NRIP3: variants seen among roughly 807,000 people sequenced by gnomAD.
NRIP3 encodes the protein nuclear receptor interacting protein 3.
NRIP3 carries 31 observed loss-of-function variants against 29.0 expected under a neutral mutation model. The observed-to-expected ratio is 1.07, with a 90% CI of 0.80 to 1.44. NRIP3 has a LOEUF of 1.44. NRIP3 is among the 40% of genes most tolerant of loss of function. The pLI is 0.00. For missense variants in NRIP3, 314 were observed against 297.9 expected (o/e 1.05, Z -0.40); for synonymous variants, 131 against 118.3 (o/e 1.11, Z -0.70).
rs1411460830 is a variant in NRIP3, at chr11:8,980,661, A to G, written c.*2884T>C. On this transcript the variant is annotated 3_prime_UTR_variant, in exon 7 of 7. Coordinates refer to ENST00000309166, the MANE Select transcript of NRIP3 (RefSeq NM_020645.3). ...GAAACACTGAAAGGATAAAGTGCCAATGCAGAGAGGCCTGGCAACAGGAGG... is the reference window on the plus strand; with the variant it reads ...GAAACACTGAAAGGATAAAGTGCCAGTGCAGAGAGGCCTGGCAACAGGAGG... 3.9e-5 allele frequency: 6 copies of G among 152,362 alleles called. No homozygotes were observed. The East Asian group carries it at 7.7e-4, about 20-fold the overall frequency. The allele number at this position is 152,362 out of a possible 1,614,324, so 9.4% of individuals were successfully genotyped here. A position where few individuals can be genotyped will look rare whatever the true frequency, so the allele number is the denominator to read the frequency against.
chr11:8,987,601 A>G lies in NRIP3; in HGVS notation c.369T>C (p.Val123=). The G allele has an allele frequency of 6.2e-7, 1 of 1,614,096 alleles. No homozygotes were observed. The highest frequency in any genetic ancestry group is 2.2e-5 in the East Asian group (1 of 44,884). Reference sequence around the variant, plus strand: ...TGAGATTATATAGGCAGCCTGTGTCAACCAAGGCTTTCACATCCTTTCCAG... The same window carrying G: ...TGAGATTATATAGGCAGCCTGTGTCGACCAAGGCTTTCACATCCTTTCCAG... The part of the protein sequence containing the change: ...QCAGKDVKAL[V]DTGCLYNLIS... The change falls in exon 3 of 7, where the codon GTT becomes GTC. Residue 123 remains valine (V), a synonymous_variant. Coordinates refer to ENST00000309166, the MANE Select transcript of NRIP3 (RefSeq NM_020645.3).
rs1854447890 is a variant in NRIP3, at chr11:8,983,028, A to G, written c.*517T>C. 2.2e-6 allele frequency: 1 copy of G among 456,444 alleles called. No homozygotes were observed. The highest frequency in any genetic ancestry group is 4.4e-6 in the Non-Finnish European group (1 of 227,034). 28.3% of individuals were successfully genotyped at this position (456,444 alleles called of 1,614,324 possible). On this transcript the variant is annotated 3_prime_UTR_variant, in exon 7 of 7. Transcript: ENST00000309166. Reference sequence around the variant, plus strand: ...AAATGAAAGAGTTAAACTGTAATGGATAATGTCCCTGGGCTCTTTCACATA... The same window carrying G: ...AAATGAAAGAGTTAAACTGTAATGGGTAATGTCCCTGGGCTCTTTCACATA...
At position 9,003,880 on chromosome 11, in the gene NRIP3, T is replaced by C; in HGVS notation, c.56A>G (p.Glu19Gly). 6.6e-7 allele frequency: 1 copy of C among 1,522,294 alleles called. No individual in the cohort carries two copies. Among genetic ancestry groups the C allele is most frequent in the Non-Finnish European group, 8.8e-7 (1 of 1,136,340 alleles). 94.3% of individuals were successfully genotyped at this position (1,522,294 alleles called of 1,614,324 possible). ...EGGRKETDMR[E>G]AASLRQQRRM... ...GCGCTGCTGTCGCAGTGACGCCGCC[T>C]CCCGCATGTCGGTCTCCTTGCGGCC... Residue 19 changes from glutamate to glycine, a missense_variant, in exon 1 of 7, where the codon GAG becomes GGG. Physicochemically the swap from Glu to Gly is moderately conservative, Grantham distance 98. Transcript: ENST00000309166.
intron 2 of NRIP3, 82 bp downstream of exon 2, chr11:8,988,036 C>T: frequency 7.4e-7 from 1 of 1,351,104 alleles, no homozygotes; most frequent in Non-Finnish European, 1.0e-6. Flanking sequence ...TCCATGAGAC[C>T]CACACTCTAT....
intron 3 of NRIP3, among the ~76,000 whole-genome samples, chr11:8,987,222 A>T (rs1366047861): frequency 1.3e-5 from 2 of 152,068 alleles, no homozygotes; most frequent in South Asian, 4.1e-4. Context: ...AGCTCCTTTT[A>T]ATTTGCTATC....
chr11:8,997,306 C>T (rs764397178), intron 1 of NRIP3, among the ~76,000 whole-genome samples: 8 of 128,272 alleles, frequency 6.2e-5, no homozygotes, highest in South Asian at 2.5e-4. Context: ...ACCCGGGAGG[C>T]GGATCGCACC....
Position 8,982,123 on chromosome 11 carries a change from C to T in NRIP3, c.*1422G>A, listed in dbSNP as rs1854424944. ...ACAGCTAGCTATTTTTCTGACTTGTCCAAGCACTTCTATGACCAAACTGAA... is the reference window on the plus strand; with the variant it reads ...ACAGCTAGCTATTTTTCTGACTTGTTCAAGCACTTCTATGACCAAACTGAA... On this transcript the variant is annotated 3_prime_UTR_variant, in exon 7 of 7. Coordinates refer to ENST00000309166, the MANE Select transcript of NRIP3 (RefSeq NM_020645.3). 1 of 152,164 alleles carries T rather than the reference C, an allele frequency of 6.6e-6. No homozygotes were observed. The highest frequency in any genetic ancestry group is 2.4e-5 in the African/African-American group (1 of 41,424). 9.4% of individuals were successfully genotyped at this position (152,164 alleles called of 1,614,324 possible). A position where few individuals can be genotyped will look rare whatever the true frequency, so the allele number is the denominator to read the frequency against.
At chr11:8,995,774 C>G (rs1387226875) in intron 1 of NRIP3, among the ~76,000 whole-genome samples, 2 of 152,192 alleles carry the variant, frequency 1.3e-5, no homozygotes, top group Non-Finnish European at 2.9e-5. Flanking sequence ...AACTTTTTAC[C>G]CTTCTCTATA....
Position 9,003,746 on chromosome 11 carries a change from G to C in NRIP3, c.174+16C>G. On this transcript the variant is annotated intron_variant, in intron 1 of 6. Transcript: ENST00000309166. ...AAGCCGCCGGGGCCGGGGCGAGAAC[G>C]GCGGCGGGGGCTCACCATGTCCTTG... The C allele has an allele frequency of 7.2e-7, 1 of 1,394,450 alleles. No individual in the cohort carries two copies. The highest frequency in any genetic ancestry group is 1.5e-5 in the African/African-American group (1 of 66,230). 86.4% of individuals were successfully genotyped at this position (1,394,450 alleles called of 1,614,324 possible).
chr11:8,989,647 C>T (rs1046833610), intron 1 of NRIP3, among the ~76,000 whole-genome samples: 26 of 152,186 alleles, frequency 1.7e-4, no homozygotes, highest in African/African-American at 6.3e-4. Context: ...GGGAGAGGCA[C>T]TTGTAAAGAA....
chr11:8,991,277 G>A (rs1488939428), intron 1 of NRIP3, among the ~76,000 whole-genome samples: 1 of 152,174 alleles, frequency 6.6e-6, no homozygotes, highest in East Asian at 1.9e-4. Flanking sequence ...CTCCAGCCCA[G>A]GCAACAGAGC....
intron 1 of NRIP3, among the ~76,000 whole-genome samples, chr11:9,000,693 A>G (rs1854778081): frequency 6.6e-6 from 1 of 152,170 alleles, no homozygotes; most frequent in Admixed American, 6.5e-5. Flanking sequence ...ACTTTTATGA[A>G]CCTGGTAGCT....
upstream of NRIP3, chr11:9,004,176 G>T (rs1854872541): frequency 2.8e-6 from 1 of 359,042 alleles, no homozygotes; most frequent in Admixed American, 4.8e-5. Flanking sequence ...CGGCGAGGAG[G>T]CGGCGGCGCT....
intron 4 of NRIP3, among the ~76,000 whole-genome samples, 198 bp from the exon 5 acceptor site, chr11:8,984,322 G>A (rs959437508): frequency 7.2e-5 from 11 of 151,784 alleles, no homozygotes; most frequent in African/African-American, 1.9e-4. Flanking sequence ...GAGTGCAGTG[G>A]CGCAATCTCG....
chr11:9,000,672 C>T (rs1854777796), intron 1 of NRIP3, among the ~76,000 whole-genome samples: 1 of 151,820 alleles, frequency 6.6e-6, no homozygotes, highest in African/African-American at 2.4e-5. Context: ...GTCCTTAGCA[C>T]AATGAGAAAA....
In NRIP3 at chr11:8,985,723, C is replaced by T; in HGVS notation, c.550G>A (p.Ala184Thr). ...TLGSLRLDCPAAVVDDNEKNL... is the reference protein window; with the variant it reads ...TLGSLRLDCPTAVVDDNEKNL... ...CAATTCTGCTTACCAACCACAGCTG[C>T]TGGGCAGTCCAGGCGGAGGGAGCCC... Residue 184 changes from alanine to threonine, a missense_variant, in exon 4 of 7, where the codon GCA becomes ACA. By Grantham distance (58) the Ala-to-Thr change is moderately conservative. Transcript: ENST00000309166. 6.2e-7 allele frequency: 1 copy of T among 1,613,964 alleles called. No individual in the cohort carries two copies. Among genetic ancestry groups the T allele is most frequent in the South Asian group, 1.1e-5 (1 of 91,060 alleles).
Position 8,981,546 on chromosome 11 carries a change from A to G in NRIP3, c.*1999T>C, listed in dbSNP as rs2134900854. Reference sequence around the variant, plus strand: ...GTGGCTAAGAGTCAAGGCTCAGAGTAGAACTTTCAAGTAGGGAAGTAAAGG... The same window carrying G: ...GTGGCTAAGAGTCAAGGCTCAGAGTGGAACTTTCAAGTAGGGAAGTAAAGG... On this transcript the variant is annotated 3_prime_UTR_variant, in exon 7 of 7. Transcript: ENST00000309166. 6.6e-6 allele frequency: 1 copy of G among 152,232 alleles called. No individual in the cohort carries two copies. The highest frequency in any genetic ancestry group is 2.1e-4 in the South Asian group (1 of 4,824). 9.4% of individuals were successfully genotyped at this position (152,232 alleles called of 1,614,324 possible).
intron 1 of NRIP3, among the ~76,000 whole-genome samples, chr11:8,994,156 T>G (rs1310396560): frequency 6.6e-6 from 1 of 152,172 alleles, no homozygotes; most frequent in African/African-American, 2.4e-5. Context: ...TGGACATTCC[T>G]TCATGGTCAC....
chr11:9,003,005 C>A (rs1854835210), intron 1 of NRIP3, among the ~76,000 whole-genome samples: 1 of 152,144 alleles, frequency 6.6e-6, no homozygotes, highest in African/African-American at 2.4e-5. Context: ...TGACCCCAGG[C>A]CCCCTGTCCT....
Sources: gnomAD v4.1 joint callset for allele counts (sites outside exome capture counted in the v4.1 genomes callset) on GRCh38, gnomAD v4.1.1 for gene constraint, MANE v1.5 for transcripts, NCBI Gene and HGNC (gene_info 2026-07-23, HGNC 2026-07-21) for gene names.